Variants in MAP3K5 observed in about 807,000 individuals in gnomAD.
MAP3K5 encodes ASK-1.
In MAP3K5, 56 loss-of-function variants were observed where a neutral mutation model predicts 158.7. The observed-to-expected ratio is 0.35, with a 90% CI of 0.28 to 0.44. The LOEUF (loss-of-function observed/expected upper bound fraction) is 0.44, where lower values mean the gene tolerates loss of function less well. Ranked by LOEUF, MAP3K5 falls within the 20% of genes least tolerant of loss-of-function variation. MAP3K5 has a pLI of 1.00. For synonymous variants in MAP3K5, 579 were observed against 601.7 expected, an observed-to-expected ratio of 0.96 and a Z score of 0.55; for missense variants, 1,294 against 1,674.8, an observed-to-expected ratio of 0.77 and a Z score of 3.97.
At chr6:136,703,075 A>ACATAAAG (rs1260105212) in intron 3 of MAP3K5, among the ~76,000 whole-genome samples, 1 of 152,102 alleles carries the variant, frequency 6.6e-6, no homozygotes, top group African/African-American at 2.4e-5. Flanking sequence ...TTTAGAAACT[A>ACATAAAG]CATAAAGGTA....
intron 25 of MAP3K5, among the ~76,000 whole-genome samples, chr6:136,569,099 C>A (rs1221270181): frequency 1.3e-5 from 2 of 152,084 alleles, no homozygotes; most frequent in Admixed American, 1.3e-4. Flanking sequence ...ATAAGGCTGA[C>A]AAAACAGACT....
chr6:136,602,719 T>C, intron 19 of MAP3K5, among the ~76,000 whole-genome samples: 1 of 152,154 alleles, frequency 6.6e-6, no homozygotes, highest in South Asian at 2.1e-4. Flanking sequence ...TTAAATATTT[T>C]CCTTGTTACA....
upstream of MAP3K5, chr6:136,792,520 G>T: frequency 3.2e-6 from 1 of 313,042 alleles, no homozygotes; most frequent in Non-Finnish European, 4.6e-6. The surrounding 1 kb of genome is among the most constrained non-coding windows in gnomAD (Gnocchi z 5.7). Context: ...CCGCGCTCGG[G>T]GTGCAGCCCG....
At chr6:136,568,855 C>G (rs1042062751) in intron 25 of MAP3K5, among the ~76,000 whole-genome samples, 15 of 105,906 alleles carry the variant, frequency 1.4e-4, no homozygotes, top group African/African-American at 5.5e-4. Flanking sequence ...AAGAGTCTGT[C>G]TCAAAAAAAA....
At chr6:136,771,737 G>A (rs1784207124) in intron 1 of MAP3K5, among the ~76,000 whole-genome samples, 1 of 152,032 alleles carries the variant, frequency 6.6e-6, no homozygotes, top group African/African-American at 2.4e-5. Flanking sequence ...TCTTTCCTGG[G>A]CAAAGCCAAG....
chr6:136,711,286 G>T (rs1314442704), intron 2 of MAP3K5, among the ~76,000 whole-genome samples: 2 of 152,078 alleles, frequency 1.3e-5, no homozygotes, highest in Non-Finnish European at 1.5e-5. Context: ...ACAAGTCAAA[G>T]AATATAGGGC....
chr6:136,642,541 G>A lies in MAP3K5; in HGVS notation c.1817C>T (p.Ala606Val). Reference sequence around the variant, plus strand: ...TTACCTCACTCCCCTGACAGAAGAGGCACTAAAATTCCACTCATGTATACC... The same window carrying A: ...TTACCTCACTCCCCTGACAGAAGAGACACTAAAATTCCACTCATGTATACC... ...KKGIHEWNFS[A>V]SSVRGVSISK... Residue 606 changes from alanine (A) to valine (V), a missense_variant, in exon 12 of 30, where the codon GCC (alanine) becomes GTC (valine). By Grantham distance (64) the Ala-to-Val change is moderately conservative (BLOSUM62 0). Around this residue, in one of 5 missense-constraint regions of MAP3K5, gnomAD observed 690 missense variants for 870.5 expected, o/e 0.79. Coordinates refer to ENST00000359015, the MANE Select transcript of MAP3K5 (RefSeq NM_005923.4). The A allele has an allele frequency of 6.2e-7, 1 of 1,610,212 alleles. No homozygotes were observed. Among genetic ancestry groups the A allele is most frequent in the Non-Finnish European group, 8.5e-7 (1 of 1,176,790 alleles).
intron 1 of MAP3K5, among the ~76,000 whole-genome samples, chr6:136,768,096 C>G (rs911229415): frequency 6.6e-6 from 1 of 152,154 alleles, no homozygotes. Flanking sequence ...GCAAAAATAT[C>G]TAACTCTTAG....
intron 1 of MAP3K5, among the ~76,000 whole-genome samples, chr6:136,781,945 T>G (rs78341161): frequency 0.097 from 14,749 of 151,880 alleles, 1,565 homozygotes; most frequent in African/African-American, 0.26. Context: ...GCCGGGCATG[T>G]TGGCTCATGC....
intron 9 of MAP3K5, among the ~76,000 whole-genome samples, chr6:136,658,476 A>G (rs1351895946): frequency 6.6e-6 from 1 of 151,596 alleles, no homozygotes; most frequent in Non-Finnish European, 1.5e-5. Context: ...GATCATGCCC[A>G]GCTAATTTTT....
At chr6:136,778,671 T>A (rs965145999) in intron 1 of MAP3K5, among the ~76,000 whole-genome samples, 1 of 152,212 alleles carries the variant, frequency 6.6e-6, no homozygotes, top group African/African-American at 2.4e-5. Context: ...AATGTATTTC[T>A]GTGAGACAGG....
chr6:136,591,428 A>G (rs1409037740), intron 23 of MAP3K5, among the ~76,000 whole-genome samples: 1 of 152,220 alleles, frequency 6.6e-6, no homozygotes, highest in Non-Finnish European at 1.5e-5. Context: ...ATGGCCTTGA[A>G]CTGGGTAGAT....
At chr6:136,656,002 G>A (rs1203185782) in intron 10 of MAP3K5, among the ~76,000 whole-genome samples, 4 of 152,178 alleles carry the variant, frequency 2.6e-5, no homozygotes, top group South Asian at 2.1e-4. Context: ...AGCATACATC[G>A]GGCTGGCATG....
chr6:136,606,785 G>C (rs1431219469), intron 18 of MAP3K5, among the ~76,000 whole-genome samples: 1 of 152,218 alleles, frequency 6.6e-6, no homozygotes, highest in Non-Finnish European at 1.5e-5. Context: ...GATAAATACA[G>C]ATGACACCTT....
intron 3 of MAP3K5, among the ~76,000 whole-genome samples, chr6:136,699,219 T>C (rs988132919): frequency 6.6e-6 from 1 of 152,102 alleles, no homozygotes; most frequent in East Asian, 1.9e-4. Context: ...CCCTTCCACA[T>C]CCTATCGAAG....
chr6:136,562,850 T>C (rs1333709382), intron 26 of MAP3K5, among the ~76,000 whole-genome samples: 3 of 147,874 alleles, frequency 2.0e-5, no homozygotes, highest in Non-Finnish European at 4.5e-5. Context: ...TTTTTTTTTT[T>C]TTTTTTTGTA....
intron 14 of MAP3K5, among the ~76,000 whole-genome samples, chr6:136,635,676 C>A (rs1777591826): frequency 6.7e-6 from 1 of 148,576 alleles, no homozygotes; most frequent in Non-Finnish European, 1.5e-5. Context: ...CTGCTTGAGC[C>A]CAGGAGTTCA....
intron 1 of MAP3K5, among the ~76,000 whole-genome samples, chr6:136,785,779 C>T (rs893256636): frequency 1.3e-5 from 2 of 152,152 alleles, no homozygotes; most frequent in Non-Finnish European, 2.9e-5. Context: ...GGCCAAGATG[C>T]TACTCAGAGG....
intron 20 of MAP3K5, among the ~76,000 whole-genome samples, chr6:136,601,318 T>G (rs1249128677): frequency 6.6e-6 from 1 of 152,198 alleles, no homozygotes; most frequent in African/African-American, 2.4e-5. Context: ...TCTCTCTTTC[T>G]TTTTCCTTCT....
Sources: allele counts gnomAD v4.1 joint callset (sites outside exome capture counted in the v4.1 genomes callset), GRCh38; gene constraint gnomAD v4.1.1; regional missense constraint gnomAD v4.1.1; non-coding constraint Gnocchi (gnomAD v3.1); transcripts MANE v1.5; gene names NCBI Gene and HGNC (gene_info 2026-07-23, HGNC 2026-07-21).